Variants in EBF3 observed in about 807,000 individuals in gnomAD.
The protein encoded by EBF3 is transcription factor COE3.
EBF3 carries 18 observed loss-of-function variants against 77.1 expected under a neutral mutation model. That is an observed-to-expected ratio of 0.23 (90% CI 0.16 to 0.35). The LOEUF (loss-of-function observed/expected upper bound fraction) is 0.35. Among genes scored for constraint, EBF3 ranks in the 10% least tolerant of loss-of-function variants. The pLI is 1.00. For missense variants in EBF3, 558 were observed against 860.0 expected, an observed-to-expected ratio of 0.65 and a Z score of 4.39; for synonymous variants, 350 against 343.5, an observed-to-expected ratio of 1.02 and a Z score of -0.21.
rs556720542 is a variant in EBF3, at chr10:129,904,190, C to T, written c.555-26341G>A. On this transcript the variant is annotated intron_variant, in intron 6 of 16. Transcript: ENST00000440978. ...ACCCTTCATCTTCATAGCCAGGACC[C>T]CAAAGCCTCCAGGGTTCCTGCACTA... is the stretch of plus-strand genomic sequence containing the variant. 9.2e-5 allele frequency among the ~76,000 whole-genome samples: 14 copies of T among 152,314 alleles called. No homozygotes were observed. In the East Asian group the frequency reaches 2.3e-3, roughly 25 times the overall value.
rs533512705 is a variant in EBF3, at chr10:129,839,801, C to T, written c.1759+444G>A. Among the ~76,000 whole-genome samples the T allele has an allele frequency of 7.9e-5, 12 of 152,364 alleles. No homozygotes were observed. The South Asian group carries it at 1.0e-3, about 13-fold the overall frequency. ...GCCATTCCCATGCCAGGGCTATTTT[C>T]GCTGCTTTGTGCATAGCAGGCTGCA... On this transcript the variant is annotated intron_variant, in intron 15 of 16. Coordinates refer to ENST00000440978, the MANE Select transcript of EBF3 (RefSeq NM_001375380.1).
intron 6 of EBF3, among the ~76,000 whole-genome samples, chr10:129,934,032 G>A (rs1857197680): frequency 6.6e-6 from 1 of 152,104 alleles, no homozygotes; most frequent in East Asian, 1.9e-4. Context: ...AAAAATACAG[G>A]GCACCCAGTT....
intron 6 of EBF3, among the ~76,000 whole-genome samples, chr10:129,890,490 C>T (rs541088817): frequency 1.4e-4 from 22 of 152,364 alleles, no homozygotes; most frequent in Non-Finnish European, 2.1e-4. Context: ...GCGGGGCCTC[C>T]GCCAGCCTAA....
chr10:129,947,027 G>A lies in EBF3; in HGVS notation c.554+10231C>T, dbSNP rs1021742462. Among the ~76,000 whole-genome samples, 46 of 152,286 alleles carry A rather than the reference G, an allele frequency of 3.0e-4. No homozygotes were observed. Among genetic ancestry groups the A allele is most frequent in the African/African-American group, 9.4e-4 (39 of 41,562 alleles). On this transcript the variant is annotated intron_variant, in intron 6 of 16. Coordinates refer to ENST00000440978, the MANE Select transcript of EBF3 (RefSeq NM_001375380.1). This position sits in a 1 kb window ranked among gnomAD's most constrained non-coding sequence, Gnocchi z 4.5. ...GGCTGCCCAGTGGCTGGATCGGGCC[G>A]ATGACCTCGGACAGTGGGGACCAGC...
intron 6 of EBF3, among the ~76,000 whole-genome samples, chr10:129,905,640 C>T (rs2134264498): frequency 6.6e-6 from 1 of 152,266 alleles, no homozygotes; most frequent in Non-Finnish European, 1.5e-5. Flanking sequence ...GGCCCTCACA[C>T]ACCATCTCTA....
At position 129,947,140 on chromosome 10, in the gene EBF3, G is replaced by A. The variant is rs1191969276; in HGVS notation, c.554+10118C>T. On this transcript the variant is annotated intron_variant, in intron 6 of 16. Coordinates refer to ENST00000440978, the MANE Select transcript of EBF3 (RefSeq NM_001375380.1). The surrounding 1 kb of genome is among the most constrained non-coding windows in gnomAD (Gnocchi z 4.5). ...GCCGCTTCATTGAGAAAATGGAAAT[G>A]GACAGGGAGCTCCCTTTGGCAGCAT... Among the ~76,000 whole-genome samples the A allele has an allele frequency of 6.6e-6, 1 of 152,196 alleles. No individual in the cohort carries two copies. The highest frequency in any genetic ancestry group is 1.9e-4 in the East Asian group (1 of 5,190).
At chr10:129,860,659 C>T (rs1324422439) in intron 10 of EBF3, among the ~76,000 whole-genome samples, 1 of 152,200 alleles carries the variant, frequency 6.6e-6, no homozygotes, top group African/African-American at 2.4e-5. Context: ...CCCAAAAGCG[C>T]TTGACTTGTA....
At chr10:129,840,183 C>CAA in intron 15 of EBF3, 62 bp downstream of exon 15, 1 of 1,325,426 alleles carries the variant, frequency 7.5e-7, no homozygotes, top group East Asian at 2.6e-5. Context: ...CCCCCACCCC[C>CAA]ACTCCCATCC....
intron 6 of EBF3, among the ~76,000 whole-genome samples, chr10:129,896,460 G>A (rs868788549): frequency 6.6e-5 from 10 of 152,218 alleles, no homozygotes; most frequent in Non-Finnish European, 1.3e-4. Flanking sequence ...GGCGTCGCCC[G>A]CCATTCCTGG....
intron 4 of EBF3, among the ~76,000 whole-genome samples, 155 bp from the exon 5 acceptor site, chr10:129,959,162 A>G (rs1859278285): frequency 6.6e-6 from 1 of 151,492 alleles, no homozygotes; most frequent in Admixed American, 6.6e-5. Context: ...CGATGGGGTC[A>G]CCCTCGGAGC....
rs1437620044 is a variant in EBF3, at chr10:129,887,055, G to C, written c.555-9206C>G. 1.1e-4 allele frequency among the ~76,000 whole-genome samples: 7 copies of C among 66,168 alleles called. No individual in the cohort carries two copies. The East Asian group carries it at 1.5e-3, about 14-fold the overall frequency. The allele number at this position is 66,168 out of a possible 152,430, so 43.4% of individuals were successfully genotyped here. On this transcript the variant is annotated intron_variant, in intron 6 of 16. Coordinates refer to ENST00000440978, the MANE Select transcript of EBF3 (RefSeq NM_001375380.1). ...AAGAGGCTGGGTGGGGGTTGTGGGC[G>C]GGGGGGGGGGGGAGGTGAATAGATG...
At chr10:129,956,602 G>A (rs969096633) in intron 6 of EBF3, among the ~76,000 whole-genome samples, 5 of 152,138 alleles carry the variant, frequency 3.3e-5, no homozygotes, top group African/African-American at 9.7e-5. Flanking sequence ...CATTGCCCAA[G>A]GAATATGAGA....
chr10:129,957,363 T>C lies in EBF3; in HGVS notation c.486-37A>G. The stretch of plus-strand genomic sequence containing the variant: ...TTGTAAACAGTGGTTTTAATATGCA[T>C]TTCCCCCTTTTATGCCCGACTTGTA... On this transcript the variant is annotated intron_variant, in intron 5 of 16. Transcript: ENST00000440978. The C allele has an allele frequency of 3.9e-6, 6 of 1,538,326 alleles. No homozygotes were observed. The South Asian group carries it at 4.9e-5, about 13-fold the overall frequency.
intron 6 of EBF3, among the ~76,000 whole-genome samples, chr10:129,936,018 G>A (rs1319064614): frequency 2.0e-5 from 3 of 152,192 alleles, no homozygotes; most frequent in Non-Finnish European, 4.4e-5. Context: ...CCAGGGCTGC[G>A]AGTCAACGGC....
chr10:129,959,585 C>CCCCGCGGCTT (rs951362637), intron 4 of EBF3, among the ~76,000 whole-genome samples: 32 of 152,036 alleles, frequency 2.1e-4, no homozygotes, highest in African/African-American at 3.9e-4. Flanking sequence ...AAGTCTGGCG[C>CCCCGCGGCTT]CCCGCGGCTT....
intron 6 of EBF3, among the ~76,000 whole-genome samples, chr10:129,906,828 C>T (rs1375794589): frequency 1.3e-5 from 2 of 151,948 alleles, no homozygotes; most frequent in African/African-American, 4.8e-5. Context: ...TGCAATACCA[C>T]AAGAAACTTA....
In EBF3 at chr10:129,841,216, C is replaced by T. The variant is rs892804426; in HGVS notation, c.1373-184G>A. On this transcript the variant is annotated intron_variant, in intron 13 of 16. Transcript: ENST00000440978. The surrounding 1 kb of genome is among the most constrained non-coding windows in gnomAD (Gnocchi z 4.6). Reference sequence around the variant, plus strand: ...CGCCAACCCTGCTGCCACTGTCTCACCGTGAGCCCCATCCTGTCTCTGCTG... The same window carrying T: ...CGCCAACCCTGCTGCCACTGTCTCATCGTGAGCCCCATCCTGTCTCTGCTG... Among the ~76,000 whole-genome samples, 1 of 152,226 alleles carries T rather than the reference C, an allele frequency of 6.6e-6. No homozygotes were observed. Among genetic ancestry groups the T allele is most frequent in the African/African-American group, 2.4e-5 (1 of 41,464 alleles).
intron 10 of EBF3, among the ~76,000 whole-genome samples, chr10:129,865,844 T>C (rs4751140): frequency 0.39 from 59,716 of 152,096 alleles, 14,438 homozygotes; most frequent in Non-Finnish European, 0.54. Flanking sequence ...GAGAGGACTG[T>C]GTCCCATTGG....
chr10:129,860,049 G>A (rs537767310), intron 10 of EBF3, among the ~76,000 whole-genome samples: 3 of 152,104 alleles, frequency 2.0e-5, no homozygotes, highest in African/African-American at 4.8e-5. Flanking sequence ...AGTGATCTGT[G>A]ATATTTAATT....
Sources: gnomAD v4.1 joint callset for allele counts (sites outside exome capture counted in the v4.1 genomes callset) on GRCh38, gnomAD v4.1.1 for gene constraint, Gnocchi (gnomAD v3.1) non-coding constraint, MANE v1.5 for transcripts, NCBI Gene and HGNC (gene_info 2026-07-23, HGNC 2026-07-21) for gene names.